RAD51B: variants seen among roughly 807,000 people sequenced by gnomAD.
The protein encoded by RAD51B is RAD51 paralog B, also known as DNA repair protein RAD51 homolog 2.
Under a neutral mutation model 42.2 loss-of-function variants are expected in RAD51B, and 38 were observed. The observed-to-expected ratio is 0.90, with a 90% confidence interval of 0.70 to 1.18. The LOEUF is 1.18. Among genes scored for constraint, RAD51B ranks in the 50% most tolerant of loss-of-function variants. The probability of loss-of-function intolerance (pLI) is 0.00; values close to 1 mark genes in which losing one functional copy is unlikely to be tolerated. For synonymous variants in RAD51B, 154 were observed against 145.2 expected (o/e 1.06, Z -0.43); for missense variants, 373 against 400.7 (o/e 0.93, Z 0.59).
intron 7 of RAD51B, among the ~76,000 whole-genome samples, chr14:68,043,255 A>G (rs1470664934): frequency 6.6e-6 from 1 of 152,184 alleles, no homozygotes; most frequent in Non-Finnish European, 1.5e-5. Context: ...AGGGGTGGCC[A>G]TTGGCTTTTT....
intron 7 of RAD51B, among the ~76,000 whole-genome samples, chr14:67,949,298 C>T (rs2074397519): frequency 6.6e-6 from 1 of 152,208 alleles, no homozygotes; most frequent in Non-Finnish European, 1.5e-5. Context: ...ACTGCTTTAT[C>T]AACTAAATTT....
intron 7 of RAD51B, among the ~76,000 whole-genome samples, chr14:68,238,052 G>T (rs76721231): frequency 3.0e-4 from 46 of 152,078 alleles, no homozygotes; most frequent in African/African-American, 1.1e-3. Context: ...AGAATTGCTG[G>T]GTTATATGTT....
intron 7 of RAD51B, among the ~76,000 whole-genome samples, chr14:68,048,509 C>A (rs535044401): frequency 6.5e-4 from 99 of 152,198 alleles, no homozygotes; most frequent in African/African-American, 2.3e-3. Context: ...GACATGAAGT[C>A]CTTGCCCATG....
intron 10 of RAD51B, among the ~76,000 whole-genome samples, chr14:68,603,303 A>G (rs1891300533): frequency 6.6e-6 from 1 of 152,178 alleles, no homozygotes; most frequent in Admixed American, 6.5e-5. Flanking sequence ...GTAGTGCCAA[A>G]TCTGCTTCCA....
At chr14:67,925,020 A>G (rs934440464) in intron 7 of RAD51B, among the ~76,000 whole-genome samples, 1 of 152,232 alleles carries the variant, frequency 6.6e-6, no homozygotes, top group African/African-American at 2.4e-5. Context: ...GGCCAAAACA[A>G]AGGGGCTCCA....
intron 10 of RAD51B, among the ~76,000 whole-genome samples, chr14:68,636,926 G>T (rs552186815): frequency 1.3e-3 from 202 of 152,340 alleles, no homozygotes; most frequent in African/African-American, 4.6e-3. Flanking sequence ...TGACCACCTT[G>T]TGGAATAGTT....
intron 5 of RAD51B, among the ~76,000 whole-genome samples, chr14:67,868,566 A>G (rs1423291871): frequency 6.6e-6 from 1 of 152,256 alleles, no homozygotes; most frequent in Non-Finnish European, 1.5e-5. Context: ...AGGAAGCTCG[A>G]ACTGGGTGGA....
chr14:68,514,954 A>G (rs576245105), intron 10 of RAD51B, among the ~76,000 whole-genome samples: 18 of 152,194 alleles, frequency 1.2e-4, no homozygotes, highest in Admixed American at 9.8e-4. Flanking sequence ...ACAGTGAGTG[A>G]TTTTCTTCCC....
At chr14:68,633,486 G>A (rs1006396541) in intron 10 of RAD51B, among the ~76,000 whole-genome samples, 10 of 152,194 alleles carry the variant, frequency 6.6e-5, no homozygotes, top group African/African-American at 2.2e-4. Flanking sequence ...CCCCTGGAGA[G>A]GACAAGGCTG....
At chr14:68,053,401 G>T (rs552442214) in intron 7 of RAD51B, among the ~76,000 whole-genome samples, 1 of 152,124 alleles carries the variant, frequency 6.6e-6, no homozygotes, top group East Asian at 1.9e-4. Context: ...AAAATGTATG[G>T]GTCAAACAGA....
intron 9 of RAD51B, among the ~76,000 whole-genome samples, chr14:68,454,602 A>G (rs985280092): frequency 1.3e-5 from 2 of 152,172 alleles, no homozygotes; most frequent in Non-Finnish European, 2.9e-5. Flanking sequence ...ACAGGTTTGG[A>G]GCACCTTAAA....
rs113264143 is a variant in RAD51B, at chr14:67,854,806, T to TA, written c.316-10183dup. ...AGCAAGACCCTAGCTCTACAAAAAG[T>TA]AAAAAAAAAAAAAATTAGGTGTGGT... is the stretch of plus-strand genomic sequence containing the variant. On this transcript the variant is annotated intron_variant, in intron 4 of 10. Transcript: ENST00000471583. Among the ~76,000 whole-genome samples, 251 of 138,602 alleles carry TA rather than the reference T, an allele frequency of 1.8e-3. 1 individual carries two copies. Among genetic ancestry groups the TA allele is most frequent in the African/African-American group, 4.4e-3 (166 of 37,590 alleles). The allele number at this position is 138,602 out of a possible 152,430, so 90.9% of individuals were successfully genotyped here. A position where few individuals can be genotyped will look rare whatever the true frequency, so the allele number is the denominator to read the frequency against.
intron 8 of RAD51B, among the ~76,000 whole-genome samples, chr14:68,305,895 GA>G (rs1324212185): frequency 6.6e-6 from 1 of 152,216 alleles, no homozygotes; most frequent in Non-Finnish European, 1.5e-5. Context: ...TGTGGTGGAT[GA>G]CTGTTTTTCT....
intron 10 of RAD51B, among the ~76,000 whole-genome samples, chr14:68,588,211 C>T (rs1022998882): frequency 1.3e-5 from 2 of 152,142 alleles, no homozygotes; most frequent in African/African-American, 2.4e-5. Flanking sequence ...TCAGTTTCCT[C>T]CCCTTTACAG....
At chr14:68,155,160 G>T (rs915600968) in intron 7 of RAD51B, among the ~76,000 whole-genome samples, 2 of 151,942 alleles carry the variant, frequency 1.3e-5, no homozygotes, top group African/African-American at 4.8e-5. Context: ...TACGCAAGGG[G>T]AGCTGGGTTG....
At chr14:68,462,686 A>T (rs2085875003) in intron 9 of RAD51B, among the ~76,000 whole-genome samples, 1 of 152,298 alleles carries the variant, frequency 6.6e-6, no homozygotes, top group South Asian at 2.1e-4. Flanking sequence ...ACCTCCAAAG[A>T]ATTTTAAAAT....
chr14:68,072,225 A>T (rs1595359838), intron 7 of RAD51B, among the ~76,000 whole-genome samples: 1 of 126,424 alleles, frequency 7.9e-6, no homozygotes, highest in African/African-American at 3.5e-5. Flanking sequence ...TATATATATA[A>T]AATAAACTCC....
intron 4 of RAD51B, among the ~76,000 whole-genome samples, chr14:67,845,852 T>C (rs1442790857): frequency 1.3e-5 from 2 of 152,184 alleles, no homozygotes; most frequent in African/African-American, 2.4e-5. Flanking sequence ...GCCTTTAACA[T>C]TTTTTTCCTT....
intron 7 of RAD51B, among the ~76,000 whole-genome samples, chr14:68,175,460 A>G (rs542627950): frequency 6.6e-6 from 1 of 152,294 alleles, no homozygotes; most frequent in South Asian, 2.1e-4. Context: ...CTACCTCACA[A>G]GCATAGCTGG....
Sources: allele counts gnomAD v4.1 joint callset (sites outside exome capture counted in the v4.1 genomes callset), GRCh38; gene constraint gnomAD v4.1.1; transcripts MANE v1.5; gene names NCBI Gene and HGNC (gene_info 2026-07-23, HGNC 2026-07-21).